The following TTC6 variants were observed in gnomAD, a reference collection of about 807,000 sequenced individuals.
TTC6 encodes the protein tetratricopeptide repeat domain 6.
Under a neutral mutation model 210.4 loss-of-function variants are expected in TTC6, and 172 were observed. The observed-to-expected ratio is 0.82, with a 90% CI of 0.72 to 0.93. TTC6 has a LOEUF of 0.93. TTC6 is among the 40% of genes least tolerant of loss of function. The probability of loss-of-function intolerance (pLI) is 0.00; values close to 1 mark genes in which losing one functional copy is unlikely to be tolerated. For synonymous variants in TTC6, 804 were observed against 819.6 expected, an observed-to-expected ratio of 0.98 and a Z score of 0.32; for missense variants, 2,414 against 2,318.1, an observed-to-expected ratio of 1.04 and a Z score of -0.85.
intron 21 of TTC6, among the ~76,000 whole-genome samples, chr14:37,805,693 TTTTGTTTGTTTG>T (rs374063299): frequency 6.6e-6 from 1 of 152,202 alleles, no homozygotes; most frequent in East Asian, 1.9e-4. Context: ...TGAAGTGTTT[TTTTGTTTGTTTG>T]TTTGTTTGTT....
At chr14:37,628,327 T>C (rs993393798) in intron 1 of TTC6, among the ~76,000 whole-genome samples, 4 of 152,186 alleles carry the variant, frequency 2.6e-5, no homozygotes, top group Admixed American at 6.5e-5. Flanking sequence ...TGGTATCTCA[T>C]TGTGGTTTTG....
At chr14:37,730,671 G>A (rs962715265) in intron 7 of TTC6, among the ~76,000 whole-genome samples, 3 of 152,082 alleles carry the variant, frequency 2.0e-5, no homozygotes, top group Non-Finnish European at 4.4e-5. Context: ...AAATTTTGGA[G>A]TACTTGTATT....
At chr14:37,639,754 T>G (rs1309800342) in intron 1 of TTC6, among the ~76,000 whole-genome samples, 1 of 147,022 alleles carries the variant, frequency 6.8e-6, no homozygotes, top group Non-Finnish European at 1.5e-5. Context: ...GGTGTGGTGG[T>G]GTGCACCTGT....
At chr14:37,831,165 G>A (rs980890935) in intron 29 of TTC6, among the ~76,000 whole-genome samples, 3 of 151,848 alleles carry the variant, frequency 2.0e-5, no homozygotes, top group Non-Finnish European at 4.4e-5. Flanking sequence ...CCAAATATGA[G>A]CAAGAACATG....
intron 10 of TTC6, among the ~76,000 whole-genome samples, chr14:37,739,523 C>T (rs1469773034): frequency 7.0e-6 from 1 of 143,632 alleles, no homozygotes; most frequent in Non-Finnish European, 1.5e-5. Flanking sequence ...GAGCTGAGAT[C>T]AGGCCACTGC....
intron 3 of TTC6, among the ~76,000 whole-genome samples, chr14:37,690,955 T>A (rs923350265): frequency 1.3e-5 from 2 of 152,196 alleles, no homozygotes; most frequent in Non-Finnish European, 2.9e-5. Flanking sequence ...TTCTCCAGGA[T>A]AGACCATATG....
exon 1 of TTC6, chr14:37,622,323 G>A: frequency 6.5e-7 from 1 of 1,533,548 alleles, no homozygotes. Context: ...GATGTCCGCG[G>A]CCGCCCTCCT....
At chr14:37,768,869 T>C (rs1174633078) in intron 14 of TTC6, among the ~76,000 whole-genome samples, 1 of 151,224 alleles carries the variant, frequency 6.6e-6, no homozygotes, top group Non-Finnish European at 1.5e-5. Flanking sequence ...AGGGCATCCC[T>C]GTCTTGTGCC....
intron 10 of TTC6, among the ~76,000 whole-genome samples, chr14:37,739,935 G>A (rs1468555726): frequency 1.3e-5 from 2 of 151,934 alleles, no homozygotes; most frequent in African/African-American, 2.4e-5. Flanking sequence ...AGGCTGAGGC[G>A]GACAGATCAC....
At chr14:37,609,873 A>G (rs923964177) in intron 2 of TTC6, among the ~76,000 whole-genome samples, 4 of 152,182 alleles carry the variant, frequency 2.6e-5, no homozygotes, top group African/African-American at 7.2e-5. Context: ...CTACTCCTAC[A>G]CTTAGAGTAA....
At chr14:37,835,894 T>C (rs559980355) in intron 29 of TTC6, among the ~76,000 whole-genome samples, 1 of 151,958 alleles carries the variant, frequency 6.6e-6, no homozygotes, top group South Asian at 2.1e-4. Flanking sequence ...GATCTCTATC[T>C]CCTTACTCTG....
At chr14:37,758,554 C>G (rs2095974648) in intron 14 of TTC6, among the ~76,000 whole-genome samples, 1 of 152,096 alleles carries the variant, frequency 6.6e-6, no homozygotes, top group African/African-American at 2.4e-5. Flanking sequence ...CTTCCTCCAT[C>G]CCTTTATTTT....
intron 2 of TTC6, among the ~76,000 whole-genome samples, chr14:37,610,106 C>G (rs1252117799): frequency 6.6e-6 from 1 of 152,192 alleles, no homozygotes; most frequent in African/African-American, 2.4e-5. Flanking sequence ...GGGAAAGCAA[C>G]TGGCCCACAT....
At position 37,652,605 on chromosome 14, in the gene TTC6, C is replaced by G. The variant is rs143157995; in HGVS notation, c.940-27546C>G. 3.6e-3 allele frequency among the ~76,000 whole-genome samples: 547 copies of G among 152,258 alleles called. 4 individuals carry two copies. The highest frequency in any genetic ancestry group is 0.013 in the African/African-American group (526 of 41,548). ...TAGGCTTATTGAAGCAGTTCCTCGTCAAACCTTTTTACACCTCTCATTTGT... is the reference window on the plus strand; with the variant it reads ...TAGGCTTATTGAAGCAGTTCCTCGTGAAACCTTTTTACACCTCTCATTTGT... On this transcript the variant is annotated intron_variant, in intron 1 of 30. Transcript: ENST00000553443.
exon 6 of TTC6, chr14:37,714,790 A>T (rs1173718990): frequency 6.5e-7 from 1 of 1,533,324 alleles, no homozygotes; most frequent in Admixed American, 2.0e-5. Context: ...AAGTCTTGGG[A>T]GAGGAAGTAA....
chr14:37,674,473 CTT>C (rs141326966), intron 1 of TTC6, among the ~76,000 whole-genome samples: 3 of 152,140 alleles, frequency 2.0e-5, no homozygotes, highest in Non-Finnish European at 4.4e-5. Flanking sequence ...GTATAAGACA[CTT>C]TGTTTGCATG....
chr14:37,699,088 C>A (rs568488069), intron 4 of TTC6, among the ~76,000 whole-genome samples: 2 of 151,938 alleles, frequency 1.3e-5, no homozygotes, highest in Non-Finnish European at 2.9e-5. Context: ...ATGGGTGACA[C>A]AAGAGTAGAG....
At position 37,812,301 on chromosome 14, in the gene TTC6, T is replaced by C. The variant is rs774694495; in HGVS notation, c.4570-13T>C. 1 of 1,607,504 alleles carries C rather than the reference T, an allele frequency of 6.2e-7. No individual in the cohort carries two copies. Among genetic ancestry groups the C allele is most frequent in the East Asian group, 2.2e-5 (1 of 44,732 alleles). ...TAAAAAGTTGAATCTATGTTACAAA[T>C]GATTATTTTTAGGCATTAACAGATT... On this transcript the variant is annotated splice_polypyrimidine_tract_variant and intron_variant, in intron 24 of 30. Transcript: ENST00000553443.
chr14:37,686,314 A>G (rs1429504258), intron 3 of TTC6, among the ~76,000 whole-genome samples: 6 of 152,350 alleles, frequency 3.9e-5, no homozygotes, highest in Admixed American at 2.0e-4. Context: ...AGAAAACTCA[A>G]TAAACATTAG....
Sources: allele counts gnomAD v4.1 joint callset (sites outside exome capture counted in the v4.1 genomes callset), GRCh38; gene constraint gnomAD v4.1.1; transcripts MANE v1.5; gene names NCBI Gene and HGNC (gene_info 2026-07-23, HGNC 2026-07-21).